DCAF13: variants seen among roughly 807,000 people sequenced by gnomAD.
The protein encoded by DCAF13 is DDB1 and CUL4 associated factor 13, also known as DDB1- and CUL4-associated factor 13.
In DCAF13, 38 loss-of-function variants were observed where a neutral mutation model predicts 59.0. The ratio of observed to expected loss-of-function variants is 0.64; its 90% confidence interval spans 0.50 to 0.84. The LOEUF (loss-of-function observed/expected upper bound fraction) is 0.84. Ranked by LOEUF, DCAF13 falls within the 40% of genes least tolerant of loss-of-function variation. The probability of loss-of-function intolerance (pLI) is 0.00; values close to 1 mark genes in which losing one functional copy is unlikely to be tolerated. For synonymous variants in DCAF13, 173 were observed against 175.0 expected, an observed-to-expected ratio of 0.99 and a Z score of 0.09; for missense variants, 469 against 558.4, an observed-to-expected ratio of 0.84 and a Z score of 1.61.
rs545627987 is a variant in DCAF13 at position 103,428,845 on chromosome 8, G to A, written c.624+1593G>A. ...ACCAATTCTAAAATCGTAATTATTAGGGATGACCTAGTGACCATGTTTTTC... is the reference window on the plus strand; with the variant it reads ...ACCAATTCTAAAATCGTAATTATTAAGGATGACCTAGTGACCATGTTTTTC... On this transcript the variant is annotated intron_variant, in intron 5 of 10. Transcript: ENST00000612750. The A allele has an allele frequency of 2.6e-5, 4 of 152,008 alleles. No homozygotes were observed. The South Asian group carries it at 8.3e-4, about 32-fold the overall frequency. 9.4% of individuals were successfully genotyped at this position (152,008 alleles called of 1,614,324 possible). A position where few individuals can be genotyped will look rare whatever the true frequency, so the allele number is the denominator to read the frequency against.
intron 2 of DCAF13, 47 bp from the exon 3 acceptor site, chr8:103,420,927 AT>A: frequency 1.5e-6 from 2 of 1,299,104 alleles, no homozygotes; most frequent in Non-Finnish European, 1.1e-6. Context: ...TATCCTGAAC[AT>A]TTTACATTTA....
chr8:103,427,224 T>C lies in DCAF13; in HGVS notation c.596T>C (p.Ile199Thr), dbSNP rs1816805248. 1 of 1,613,004 alleles carries C rather than the reference T, an allele frequency of 6.2e-7. No individual in the cohort carries two copies. The highest frequency in any genetic ancestry group is 8.5e-7 in the Non-Finnish European group (1 of 1,179,346). Residue 199 changes from isoleucine to threonine, a missense_variant, in exon 5 of 11, where the codon ATA (isoleucine) becomes ACA (threonine). Physicochemically the swap from Ile to Thr is moderately conservative, Grantham distance 89. Around this residue, in one of 3 missense-constraint regions of DCAF13, gnomAD observed 355 missense variants for 399.1 expected, o/e 0.89. Coordinates refer to ENST00000612750, the MANE Select transcript of DCAF13 (RefSeq NM_015420.7). ...ICSMTWGFDS[I>T]SSVKFNPIET... ...TCAATGACCTGGGGATTTGACAGTATAAGTAGTGTTAAATTTAACCCAATT... is the reference window on the plus strand; with the variant it reads ...TCAATGACCTGGGGATTTGACAGTACAAGTAGTGTTAAATTTAACCCAATT...
In DCAF13 at chr8:103,419,408, A is replaced by G. The variant is rs141207268; in HGVS notation, c.71-856A>G. Among the ~76,000 whole-genome samples the G allele has an allele frequency of 4.3e-3, 662 of 152,304 alleles. 1 individual carries two copies. The highest frequency in any genetic ancestry group is 0.015 in the African/African-American group (613 of 41,558). The stretch of plus-strand genomic sequence containing the variant: ...AGATTAAACGGTTAAGGTTTTTGGA[A>G]CAGCGCCTGGCACTTGAACTCTTAT... On this transcript the variant is annotated intron_variant, in intron 1 of 10. Transcript: ENST00000612750.
At chr8:103,435,577 T>G (rs1461973917) in intron 7 of DCAF13, 49 bp from the exon 8 acceptor site, 1 of 1,429,634 alleles carries the variant, frequency 7.0e-7, no homozygotes, top group African/African-American at 1.4e-5. Context: ...GTACTGCATA[T>G]GGCATCTTTC....
chr8:103,415,599 G>A, intron 1 of DCAF13, 83 bp downstream of exon 1: 1 of 1,361,556 alleles, frequency 7.3e-7, no homozygotes, highest in Non-Finnish European at 1.0e-6. Flanking sequence ...AAAGCCGGGG[G>A]AGGCTGGCAC....
chr8:103,416,088 A>C (rs115393786), intron 1 of DCAF13, among the ~76,000 whole-genome samples: 1 of 152,238 alleles, frequency 6.6e-6, no homozygotes, highest in African/African-American at 2.4e-5. Context: ...TGATACCTAA[A>C]TGACAAGGGA....
At position 103,430,648 on chromosome 8, in the gene DCAF13, AT is replaced by A; in HGVS notation, c.662del (p.Ile221LysfsTer6). The A allele has an allele frequency of 6.2e-7, 1 of 1,611,630 alleles. No individual in the cohort carries two copies. The highest frequency in any genetic ancestry group is 8.5e-7 in the Non-Finnish European group (1 of 1,178,852). ...GGGAAGTTGTGCATCTGACAGGAAT[AT>A]AGTACTGTACGATATGAGGCAAGCT... The part of the protein sequence containing the change: ...LLGSCASDRN[I>X]VLYDMRQATP... On this transcript the variant is annotated frameshift_variant, in exon 6 of 11. Coordinates refer to ENST00000612750, the MANE Select transcript of DCAF13 (RefSeq NM_015420.7). LOFTEE classifies it high-confidence loss of function.
At chr8:103,441,280 A>G in intron 9 of DCAF13, 175 bp from the exon 10 acceptor site, 1 of 535,322 alleles carries the variant, frequency 1.9e-6, no homozygotes, top group East Asian at 3.5e-5. Context: ...AAGGAAATTC[A>G]GTGCTTGCAG....
At chr8:103,416,025 C>G (rs1816606083) in intron 1 of DCAF13, among the ~76,000 whole-genome samples, 1 of 152,214 alleles carries the variant, frequency 6.6e-6, no homozygotes, top group African/African-American at 2.4e-5. Context: ...TTAATTTATC[C>G]TTCCTGGTCT....
chr8:103,433,569 T>C (rs535251067), intron 7 of DCAF13, among the ~76,000 whole-genome samples: 1 of 152,146 alleles, frequency 6.6e-6, no homozygotes, highest in South Asian at 2.1e-4. Flanking sequence ...ACTATGTAGA[T>C]TTGGAAGCAA....
rs1817014826 is a variant in DCAF13, at chr8:103,441,824, G to A, written c.1250+206G>A. On this transcript the variant is annotated intron_variant, in intron 10 of 10. Transcript: ENST00000612750. ...ACGGAGTCTCGCTCTGGAGTGCAGT[G>A]GCACAATCTTGGTTCACTGCAAGCT... 4 of 484,544 alleles carry A rather than the reference G, an allele frequency of 8.3e-6. No homozygotes were observed. In the East Asian group the frequency reaches 1.7e-4, roughly 20 times the overall value. 30.0% of individuals were successfully genotyped at this position (484,544 alleles called of 1,614,324 possible).
chr8:103,427,299 T>G, intron 5 of DCAF13, 47 bp downstream of exon 5: 3 of 1,522,866 alleles, frequency 2.0e-6, no homozygotes, highest in Non-Finnish European at 2.7e-6. Context: ...GCTTAATAAT[T>G]TCAGTTCTGT....
chr8:103,427,797 G>A (rs973006741), intron 5 of DCAF13: 1 of 153,220 alleles, frequency 6.5e-6, no homozygotes, highest in African/African-American at 2.4e-5. Flanking sequence ...TAAGGGAAGA[G>A]TTGGAGATTG....
intron 7 of DCAF13, among the ~76,000 whole-genome samples, chr8:103,434,059 TATA>T (rs1296645125): frequency 6.6e-6 from 1 of 152,126 alleles, no homozygotes; most frequent in Non-Finnish European, 1.5e-5. Context: ...GCATATCCCT[TATA>T]ATAAGTGACT....
chr8:103,422,843 A>T (rs1312479492), intron 3 of DCAF13, among the ~76,000 whole-genome samples: 1 of 152,234 alleles, frequency 6.6e-6, no homozygotes, highest in Non-Finnish European at 1.5e-5. Context: ...CAGAAGCTAG[A>T]TTGCAAGAGA....
intron 1 of DCAF13, among the ~76,000 whole-genome samples, chr8:103,417,027 C>T (rs1816629037): frequency 6.6e-6 from 1 of 152,042 alleles, no homozygotes; most frequent in Admixed American, 6.5e-5. Flanking sequence ...TAAACGTGGC[C>T]AATTATGGAC....
At chr8:103,431,822 T>C (rs1376571331) in intron 6 of DCAF13, among the ~76,000 whole-genome samples, 3 of 152,162 alleles carry the variant, frequency 2.0e-5, no homozygotes, top group Admixed American at 1.3e-4. Flanking sequence ...TTCATTGTTA[T>C]TGCCTCCTGC....
chr8:103,415,594 C>A, intron 1 of DCAF13, 78 bp downstream of exon 1: 1 of 1,408,872 alleles, frequency 7.1e-7, no homozygotes, highest in Non-Finnish European at 9.6e-7. Context: ...GGAGTAAAGC[C>A]GGGGGAGGCT....
chr8:103,430,650 A>G lies in DCAF13; in HGVS notation c.663A>G (p.Ile221Met). The change falls in exon 6 of 11, where the codon ATA (isoleucine) becomes ATG (methionine). Residue 221 changes from isoleucine (I) to methionine (M), a missense_variant. By Grantham distance (10) the Ile-to-Met change is conservative. This residue lies in a region of DCAF13 where 355 missense variants were observed against 399.1 expected (regional missense o/e 0.89). Coordinates refer to ENST00000612750, the MANE Select transcript of DCAF13 (RefSeq NM_015420.7). ...LLGSCASDRN[I>M]VLYDMRQATP... is the part of the protein sequence containing the mutation. The stretch of plus-strand genomic sequence containing the variant: ...GAAGTTGTGCATCTGACAGGAATAT[A>G]GTACTGTACGATATGAGGCAAGCTA... 6.2e-7 allele frequency: 1 copy of G among 1,611,356 alleles called. No individual in the cohort carries two copies. The highest frequency in any genetic ancestry group is 8.5e-7 in the Non-Finnish European group (1 of 1,178,700).
Sources: allele counts gnomAD v4.1 joint callset (sites outside exome capture counted in the v4.1 genomes callset), GRCh38; gene constraint gnomAD v4.1.1; regional missense constraint gnomAD v4.1.1; transcripts MANE v1.5; gene names NCBI Gene and HGNC (gene_info 2026-07-23, HGNC 2026-07-21).